The following VWA3B variants were observed in gnomAD, a reference collection of about 807,000 sequenced individuals.
The protein encoded by VWA3B is von Willebrand factor A domain containing 3B, also known as von Willebrand factor A domain-containing protein 3B.
In VWA3B, 138 loss-of-function variants were observed where a neutral mutation model predicts 158.3. That is an observed-to-expected ratio of 0.87 (90% CI 0.76 to 1.00). VWA3B has a LOEUF of 1.00. Ranked by LOEUF, VWA3B falls within the 50% of genes least tolerant of loss-of-function variation. The probability of loss-of-function intolerance (pLI) is 0.00; values close to 1 mark genes in which losing one functional copy is unlikely to be tolerated. For synonymous variants in VWA3B, 596 were observed against 587.3 expected (o/e 1.01, Z -0.21); for missense variants, 1,555 against 1,565.1 (o/e 0.99, Z 0.11).
intron 7 of VWA3B, among the ~76,000 whole-genome samples, chr2:98,157,885 T>G (rs557364526): frequency 1.3e-5 from 2 of 152,326 alleles, no homozygotes; most frequent in East Asian, 3.9e-4. Context: ...AACATTGAAC[T>G]GTACCTTGGA....
At chr2:98,165,840 G>A (rs1051564134) in intron 8 of VWA3B, among the ~76,000 whole-genome samples, 1 of 152,048 alleles carries the variant, frequency 6.6e-6, no homozygotes, top group Non-Finnish European at 1.5e-5. Context: ...AACCCAGATG[G>A]TCCCCTGTCA....
chr2:98,199,605 T>A (rs1682359004), intron 12 of VWA3B, among the ~76,000 whole-genome samples: 1 of 152,156 alleles, frequency 6.6e-6, no homozygotes, highest in Non-Finnish European at 1.5e-5. Context: ...GAAAACCAAA[T>A]CTTCTATAAT....
chr2:98,249,285 A>G (rs112085627), intron 19 of VWA3B, among the ~76,000 whole-genome samples: 1 of 152,198 alleles, frequency 6.6e-6, no homozygotes, highest in African/African-American at 2.4e-5. Flanking sequence ...ATAGGAATAC[A>G]GTAGTGAATA....
chr2:98,217,104 C>A (rs1449735728), intron 13 of VWA3B: 6 of 608,442 alleles, frequency 9.9e-6, no homozygotes, highest in Non-Finnish European at 1.5e-5. Context: ...GCAGAGGGAG[C>A]TCCATCCCTG....
intron 26 of VWA3B, 143 bp from the exon 27 acceptor site, chr2:98,311,676 G>T: frequency 9.9e-7 from 1 of 1,009,130 alleles, no homozygotes. Flanking sequence ...AAAGCATTGG[G>T]TTCACAGCGC....
chr2:98,126,463 G>T (rs890382783), intron 5 of VWA3B, among the ~76,000 whole-genome samples: 1 of 152,144 alleles, frequency 6.6e-6, no homozygotes, highest in African/African-American at 2.4e-5. Flanking sequence ...CTGTCCCCAT[G>T]CTAAACTTGG....
rs568962187 is a variant in VWA3B at position 98,138,888 on chromosome 2, C to T, written c.988+4949C>T. On this transcript the variant is annotated intron_variant, in intron 7 of 27. Transcript: ENST00000477737. The stretch of plus-strand genomic sequence containing the variant: ...ACTCTCAGTGCCTCCTCTGCCTGGG[C>T]TCCCACTTTGGCGGCACTTGAGGAG... Among the ~76,000 whole-genome samples, 62 of 152,374 alleles carry T rather than the reference C, an allele frequency of 4.1e-4. No individual in the cohort carries two copies. The Middle Eastern group carries it at 0.01, about 25-fold the overall frequency.
chr2:98,212,071 C>A, intron 13 of VWA3B, 43 bp downstream of exon 13: 3 of 1,571,922 alleles, frequency 1.9e-6, no homozygotes, highest in South Asian at 2.2e-5. Flanking sequence ...CACTGATGCT[C>A]TGAAAGCAAA....
intron 10 of VWA3B, among the ~76,000 whole-genome samples, chr2:98,189,180 G>A (rs533520304): frequency 6.6e-6 from 1 of 152,298 alleles, no homozygotes; most frequent in African/African-American, 2.4e-5. Context: ...AGGCCAAGGG[G>A]GTGGATCATG....
At chr2:98,256,558 A>G (rs1025512433) in intron 21 of VWA3B, among the ~76,000 whole-genome samples, 2 of 152,162 alleles carry the variant, frequency 1.3e-5, no homozygotes, top group East Asian at 1.9e-4. Flanking sequence ...ACATGTGTAT[A>G]TATACACCAC....
At chr2:98,194,231 G>A in intron 11 of VWA3B, 130 bp from the exon 12 acceptor site, 1 of 797,122 alleles carries the variant, frequency 1.3e-6, no homozygotes, top group South Asian at 1.9e-5. Flanking sequence ...ATTCTCTATT[G>A]AATATAATTT....
At chr2:98,126,438 T>C (rs1675365312) in intron 5 of VWA3B, among the ~76,000 whole-genome samples, 1 of 152,186 alleles carries the variant, frequency 6.6e-6, no homozygotes. Flanking sequence ...CTTAGATCCT[T>C]GCAACAGGAT....
chr2:98,116,634 G>A (rs564227610), intron 3 of VWA3B, among the ~76,000 whole-genome samples: 3 of 152,294 alleles, frequency 2.0e-5, no homozygotes, highest in Admixed American at 1.3e-4. Flanking sequence ...AGCCCTCCAA[G>A]TAGCTGGGAC....
At chr2:98,269,084 G>A (rs1218467895) in intron 21 of VWA3B, among the ~76,000 whole-genome samples, 1 of 152,026 alleles carries the variant, frequency 6.6e-6, no homozygotes, top group Non-Finnish European at 1.5e-5. Flanking sequence ...TTGCTCATTT[G>A]ATTGGGCCAT....
intron 3 of VWA3B, among the ~76,000 whole-genome samples, chr2:98,119,191 CT>C (rs1223902296): frequency 1.3e-5 from 2 of 152,202 alleles, no homozygotes; most frequent in Non-Finnish European, 2.9e-5. Context: ...CTTTGTTGGT[CT>C]TTTCTCCTAC....
intron 14 of VWA3B, among the ~76,000 whole-genome samples, chr2:98,221,702 G>A (rs1684521987): frequency 6.6e-6 from 1 of 152,228 alleles, no homozygotes; most frequent in Non-Finnish European, 1.5e-5. Context: ...GAGGGACTGA[G>A]TGGGAAGCTG....
rs201460815 is a variant in VWA3B, at chr2:98,190,211, ATG to A, written c.1466+2093_1466+2094del. On this transcript the variant is annotated intron_variant, in intron 10 of 27. Coordinates refer to ENST00000477737, the MANE Select transcript of VWA3B (RefSeq NM_144992.5). Reference sequence around the variant, plus strand: ...AGCTCTACCTCTTTGTTGTGTTTTGATGTGTGTGTGTGGCTATTTAGGATTTA... The same window carrying A: ...AGCTCTACCTCTTTGTTGTGTTTTGATGTGTGTGTGGCTATTTAGGATTTA... Among the ~76,000 whole-genome samples the A allele has an allele frequency of 9.6e-4, 145 of 151,680 alleles. 2 individuals are homozygous for A. Among genetic ancestry groups the A allele is most frequent in the Non-Finnish European group, 1.6e-3 (107 of 67,894 alleles).
chr2:98,304,935 C>T (rs1163211546), intron 26 of VWA3B, among the ~76,000 whole-genome samples: 1 of 152,134 alleles, frequency 6.6e-6, no homozygotes, highest in African/African-American at 2.4e-5. Flanking sequence ...CGGATAGACT[C>T]AACGTCCCCA....
intron 3 of VWA3B, 114 bp downstream of exon 3, chr2:98,115,860 C>T (rs1259377536): frequency 8.8e-6 from 7 of 799,000 alleles, no homozygotes; most frequent in Non-Finnish European, 1.4e-5. Context: ...CTGAGCCAAG[C>T]CCTTATTAGG....
Sources: allele counts gnomAD v4.1 joint callset (sites outside exome capture counted in the v4.1 genomes callset), GRCh38; gene constraint gnomAD v4.1.1; transcripts MANE v1.5; gene names NCBI Gene and HGNC (gene_info 2026-07-23, HGNC 2026-07-21).